The following DPYS variants were observed in gnomAD, a reference collection of about 807,000 sequenced individuals.
DPYS encodes the protein dihydropyrimidine amidohydrolase.
In DPYS, 39 loss-of-function variants were observed where a neutral mutation model predicts 50.3. The observed-to-expected ratio is 0.78, with a 90% CI of 0.60 to 1.01. DPYS has a LOEUF of 1.01. DPYS is among the 50% of genes least tolerant of loss of function. The pLI, the probability that DPYS is intolerant of heterozygous loss-of-function variation, is 0.00. For synonymous variants in DPYS, 245 were observed against 250.7 expected, an observed-to-expected ratio of 0.98 and a Z score of 0.22; for missense variants, 659 against 680.9, an observed-to-expected ratio of 0.97 and a Z score of 0.36.
At chr8:104,385,312 T>G (rs1811176695) in intron 8 of DPYS, among the ~76,000 whole-genome samples, 1 of 152,142 alleles carries the variant, frequency 6.6e-6, no homozygotes, top group African/African-American at 2.4e-5. Context: ...GAAGGGAGAT[T>G]TCTTGACTAT....
At chr8:104,458,269 A>G (rs1010824790) in intron 1 of DPYS, among the ~76,000 whole-genome samples, 2 of 152,148 alleles carry the variant, frequency 1.3e-5, no homozygotes, top group Non-Finnish European at 1.5e-5. Flanking sequence ...TTGTTGCCCA[A>G]CCCATAAGGT....
At chr8:104,382,711 C>T (rs374922001) in intron 8 of DPYS, among the ~76,000 whole-genome samples, 5 of 152,268 alleles carry the variant, frequency 3.3e-5, no homozygotes, top group South Asian at 2.1e-4. Flanking sequence ...TCTGAGCAAA[C>T]CAAGATTTAT....
At chr8:104,414,818 A>T (rs1249762031) in intron 7 of DPYS, among the ~76,000 whole-genome samples, 1 of 152,242 alleles carries the variant, frequency 6.6e-6, no homozygotes, top group Non-Finnish European at 1.5e-5. Flanking sequence ...CCAGAATTAG[A>T]GATGAGTCTG....
chr8:104,460,525 C>T (rs1814089008), intron 1 of DPYS, among the ~76,000 whole-genome samples: 1 of 152,150 alleles, frequency 6.6e-6, no homozygotes, highest in Non-Finnish European at 1.5e-5. Context: ...ATAAATTACC[C>T]AGTCTCAAAT....
chr8:104,443,330 GGCTGAACA>G (rs1564106736), intron 4 of DPYS, among the ~76,000 whole-genome samples: 1 of 2,694 alleles, frequency 3.7e-4, no homozygotes, highest in East Asian at 2.0e-3. Context: ...TTACATACTA[GGCTGAACA>G]TACTAGGCTG....
At chr8:104,443,137 CTG>C (rs1201992355) in intron 4 of DPYS, among the ~76,000 whole-genome samples, 1 of 152,206 alleles carries the variant, frequency 6.6e-6, no homozygotes, top group African/African-American at 2.4e-5. Context: ...AACACTGTCT[CTG>C]ATTATCTGCA....
chr8:104,448,330 A>AT (rs1210651618), intron 2 of DPYS, among the ~76,000 whole-genome samples: 1 of 151,624 alleles, frequency 6.6e-6, no homozygotes, highest in Non-Finnish European at 1.5e-5. Context: ...TAATTTTTGT[A>AT]TTTTTAGTAG....
At chr8:104,447,590 G>C in intron 2 of DPYS, 87 bp from the exon 3 acceptor site, 1 of 1,472,048 alleles carries the variant, frequency 6.8e-7, no homozygotes, top group Non-Finnish European at 9.4e-7. Context: ...GCATTCGGAA[G>C]AGAACTAAGT....
chr8:104,382,434 G>A (rs1811084208), intron 8 of DPYS, among the ~76,000 whole-genome samples: 1 of 152,130 alleles, frequency 6.6e-6, no homozygotes, highest in East Asian at 1.9e-4. Context: ...GAAATGAAGG[G>A]CCAGCCTCCC....
Position 104,466,975 on chromosome 8 carries a change from G to C in DPYS, c.-55C>G, listed in dbSNP as rs1814443038. 3 of 1,340,996 alleles carry C rather than the reference G, an allele frequency of 2.2e-6. No individual in the cohort carries two copies. The highest frequency in any genetic ancestry group is 3.1e-5 in the African/African-American group (2 of 64,400). 83.1% of individuals were successfully genotyped at this position (1,340,996 alleles called of 1,614,324 possible). ...CCGGGCTGCGCGCAGGGGCTGGGTT[G>C]GGCGGGCCGGGCGGGCTTGGGGTGC... is the stretch of plus-strand genomic sequence containing the variant. On this transcript the variant is annotated 5_prime_UTR_variant, in exon 1 of 10. Transcript: ENST00000351513.
At chr8:104,425,121 C>A (rs112452054) in intron 6 of DPYS, among the ~76,000 whole-genome samples, 1 of 152,078 alleles carries the variant, frequency 6.6e-6, no homozygotes. Context: ...TGAGCCACTG[C>A]ACCCAGCTGA....
At chr8:104,413,611 C>T (rs769277668) in intron 7 of DPYS, among the ~76,000 whole-genome samples, 12 of 152,092 alleles carry the variant, frequency 7.9e-5, no homozygotes, top group Non-Finnish European at 1.5e-4. Context: ...TAATCCTAGT[C>T]ATTTTAACAT....
intron 1 of DPYS, 59 bp downstream of exon 1, chr8:104,466,598 G>A: frequency 6.8e-7 from 1 of 1,464,208 alleles, no homozygotes; most frequent in Middle Eastern, 2.3e-4. Flanking sequence ...CGGGACGACT[G>A]GGGAGGCTGC....
chr8:104,381,520 T>G (rs1811038634), intron 8 of DPYS: 4 of 532,052 alleles, frequency 7.5e-6, no homozygotes, highest in African/African-American at 1.9e-5. Flanking sequence ...TTAATCTGCC[T>G]CAGACAGAGG....
At chr8:104,429,458 G>A in intron 5 of DPYS, 87 bp downstream of exon 5, 1 of 1,574,194 alleles carries the variant, frequency 6.4e-7, no homozygotes, top group Admixed American at 1.7e-5. Context: ...TGGGAGGTTA[G>A]TGGAGGATCC....
At chr8:104,388,673 A>G (rs929413543) in intron 8 of DPYS, among the ~76,000 whole-genome samples, 3 of 152,178 alleles carry the variant, frequency 2.0e-5, no homozygotes, top group African/African-American at 7.2e-5. Context: ...TTATCAAATA[A>G]AGTTTGATGG....
Position 104,440,716 on chromosome 8 carries a change from G to A in DPYS, c.793+3532C>T, listed in dbSNP as rs541224819. On this transcript the variant is annotated intron_variant, in intron 4 of 9. Coordinates refer to ENST00000351513, the MANE Select transcript of DPYS (RefSeq NM_001385.3). ...GGAGGTTGCAGTGAGCCAAGATCGC[G>A]ACACTGCACTCCAGCCTGGGTGACA... 1.5e-4 allele frequency among the ~76,000 whole-genome samples: 23 copies of A among 151,746 alleles called. 1 individual carries two copies. The East Asian group carries it at 3.9e-3, about 26-fold the overall frequency.
chr8:104,457,566 A>C (rs1291722652), intron 1 of DPYS, among the ~76,000 whole-genome samples: 1 of 152,164 alleles, frequency 6.6e-6, no homozygotes, highest in Non-Finnish European at 1.5e-5. Context: ...ATCCTAAAAC[A>C]AGTGACTTTG....
intron 7 of DPYS, among the ~76,000 whole-genome samples, chr8:104,409,702 C>T (rs1812110413): frequency 2.0e-5 from 3 of 152,136 alleles, no homozygotes; most frequent in Non-Finnish European, 2.9e-5. Flanking sequence ...TCACTTGATA[C>T]ATGATCATGA....
Sources: gnomAD v4.1 joint callset for allele counts (sites outside exome capture counted in the v4.1 genomes callset) on GRCh38, gnomAD v4.1.1 for gene constraint, MANE v1.5 for transcripts, NCBI Gene and HGNC (gene_info 2026-07-23, HGNC 2026-07-21) for gene names.